The following CDC37L1 variants were observed in gnomAD, a reference collection of about 807,000 sequenced individuals.
CDC37L1 encodes cell division cycle 37 like 1, HSP90 cochaperone.
Under a neutral mutation model 45.9 loss-of-function variants are expected in CDC37L1, and 32 were observed. The observed-to-expected ratio is 0.70, with a 90% CI of 0.53 to 0.94. The LOEUF is 0.94. CDC37L1 is among the 40% of genes least tolerant of loss of function. The pLI, the probability that CDC37L1 is intolerant of heterozygous loss-of-function variation, is 0.00. For synonymous variants in CDC37L1, 150 were observed against 133.0 expected, an observed-to-expected ratio of 1.13 and a Z score of -0.88; for missense variants, 434 against 405.7, an observed-to-expected ratio of 1.07 and a Z score of -0.60.
At chr9:4,698,543 A>G (rs1841368330) in intron 5 of CDC37L1, among the ~76,000 whole-genome samples, 1 of 151,736 alleles carries the variant, frequency 6.6e-6, no homozygotes, top group African/African-American at 2.4e-5. Flanking sequence ...CTGCCCAAGA[A>G]GTAGGGCAAT....
chr9:4,679,952 C>G, intron 1 of CDC37L1, 53 bp downstream of exon 1: 1 of 1,599,596 alleles, frequency 6.3e-7, no homozygotes, highest in Non-Finnish European at 8.5e-7. Flanking sequence ...GTCGCCAAAC[C>G]CCTGGAATGC....
chr9:4,683,776 G>T (rs1841220350), intron 1 of CDC37L1, among the ~76,000 whole-genome samples: 1 of 152,150 alleles, frequency 6.6e-6, no homozygotes, highest in Non-Finnish European at 1.5e-5. Context: ...TGCAGATATG[G>T]GAACAGATTG....
At chr9:4,704,617 T>A (rs1486304381) in intron 6 of CDC37L1, among the ~76,000 whole-genome samples, 1 of 152,194 alleles carries the variant, frequency 6.6e-6, no homozygotes, top group African/African-American at 2.4e-5. Flanking sequence ...AGAATTAGGC[T>A]TGGATTGTTA....
At chr9:4,685,420 A>T (rs1841238341) in intron 2 of CDC37L1, 1 of 306,692 alleles carries the variant, frequency 3.3e-6, no homozygotes, top group Non-Finnish European at 6.1e-6. Context: ...TACATATATT[A>T]AAAAACATTC....
At chr9:4,699,569 A>AT (rs1254142904) in intron 5 of CDC37L1, among the ~76,000 whole-genome samples, 1 of 152,218 alleles carries the variant, frequency 6.6e-6, no homozygotes, top group African/African-American at 2.4e-5. Flanking sequence ...CGTATTTTGT[A>AT]TTTTTTTATA....
intron 1 of CDC37L1, among the ~76,000 whole-genome samples, chr9:4,681,278 T>G (rs1841190839): frequency 6.6e-6 from 1 of 152,190 alleles, no homozygotes; most frequent in Non-Finnish European, 1.5e-5. Flanking sequence ...ACTTCTAAAT[T>G]TGTTTAGCTG....
At chr9:4,698,268 A>G (rs933835144) in intron 5 of CDC37L1, among the ~76,000 whole-genome samples, 1 of 148,768 alleles carries the variant, frequency 6.7e-6, no homozygotes, top group African/African-American at 2.5e-5. Flanking sequence ...TTAATGAGAA[A>G]TCAGACTTTT....
Position 4,697,850 on chromosome 9 carries a change from T to G in CDC37L1, c.718T>G (p.Cys240Gly). ...AKNCNVDPRG[C>G]FRLFFQKAKA... ...AAACTGTAATGTGGATCCAAGAGGG[T>G]GTTTTCGTTTATTTTTCCAGAAAGC... The change falls in exon 5 of 7, where the codon TGT becomes GGT. Residue 240 changes from cysteine to glycine, a missense_variant. By Grantham distance (159) the Cys-to-Gly change is radical (BLOSUM62 -3). Coordinates refer to ENST00000381854, the MANE Select transcript of CDC37L1 (RefSeq NM_017913.4). 6.2e-7 allele frequency: 1 copy of G among 1,612,946 alleles called. No individual in the cohort carries two copies.
chr9:4,695,584 C>G (rs1841340186), intron 3 of CDC37L1, among the ~76,000 whole-genome samples: 1 of 152,022 alleles, frequency 6.6e-6, no homozygotes, highest in Non-Finnish European at 1.5e-5. Flanking sequence ...CCTCTAGCTC[C>G]TAGGCTCCCA....
At chr9:4,704,270 T>G (rs1841424061) in intron 6 of CDC37L1, among the ~76,000 whole-genome samples, 1 of 152,234 alleles carries the variant, frequency 6.6e-6, no homozygotes, top group African/African-American at 2.4e-5. Flanking sequence ...GAAATTTGCC[T>G]GAGGTCAACA....
At chr9:4,701,841 GTT>G (rs71497545) in intron 5 of CDC37L1, 21 bp from the exon 6 acceptor site, 470 of 1,338,288 alleles carry the variant, frequency 3.5e-4, no homozygotes, top group African/African-American at 6.0e-4. Context: ...CACAGTCTTT[GTT>G]TTTTTTTTTG....
chr9:4,680,121 A>C (rs577983950), intron 1 of CDC37L1, among the ~76,000 whole-genome samples: 2 of 152,192 alleles, frequency 1.3e-5, no homozygotes, highest in South Asian at 4.1e-4. Context: ...ACCTCCACGC[A>C]CATGTTTTCT....
intron 1 of CDC37L1, among the ~76,000 whole-genome samples, chr9:4,684,406 A>G (rs571871054): frequency 1.8e-3 from 273 of 152,366 alleles, no homozygotes; most frequent in African/African-American, 6.3e-3. Flanking sequence ...AGGATTGGAA[A>G]AATACAGATA....
chr9:4,681,956 T>A (rs1413468467), intron 1 of CDC37L1, among the ~76,000 whole-genome samples: 2 of 152,176 alleles, frequency 1.3e-5, no homozygotes, highest in African/African-American at 4.8e-5. Context: ...ACCTAATATT[T>A]TATTTAATAT....
In CDC37L1 at chr9:4,706,147, G is replaced by A. The variant is rs777140681; in HGVS notation, c.*35G>A. ...GACTGCTGAGGCCAAGTGCTATTTTGTTACAAGAAAGGAAGAACTTGGCTA... is the reference window on the plus strand; with the variant it reads ...GACTGCTGAGGCCAAGTGCTATTTTATTACAAGAAAGGAAGAACTTGGCTA... On this transcript the variant is annotated 3_prime_UTR_variant, in exon 7 of 7. Transcript: ENST00000381854. 3 of 1,025,134 alleles carry A rather than the reference G, an allele frequency of 2.9e-6. No homozygotes were observed. Among genetic ancestry groups the A allele is most frequent in the Non-Finnish European group, 4.6e-6 (3 of 648,550 alleles). The allele number at this position is 1,025,134 out of a possible 1,614,324, so 63.5% of individuals were successfully genotyped here.
chr9:4,681,349 A>G (rs1448989732), intron 1 of CDC37L1, among the ~76,000 whole-genome samples: 1 of 152,198 alleles, frequency 6.6e-6, no homozygotes, highest in Non-Finnish European at 1.5e-5. Flanking sequence ...CCCTGAGGCC[A>G]TGTAACTAGT....
chr9:4,705,799 A>G (rs1405784065), intron 6 of CDC37L1, among the ~76,000 whole-genome samples: 1 of 152,114 alleles, frequency 6.6e-6, no homozygotes, highest in Non-Finnish European at 1.5e-5. Context: ...TCATTCTTTT[A>G]TCACATCTCA....
intron 2 of CDC37L1, among the ~76,000 whole-genome samples, chr9:4,688,124 C>T (rs1177146936): frequency 6.6e-6 from 1 of 152,150 alleles, no homozygotes; most frequent in African/African-American, 2.4e-5. Context: ...CTCAGCCTCC[C>T]GAGTAGCCGG....
chr9:4,690,133 C>T (rs10115577), intron 3 of CDC37L1, among the ~76,000 whole-genome samples: 7,739 of 152,148 alleles, frequency 0.051, 677 homozygotes, highest in African/African-American at 0.18. Context: ...TAGTGATGTT[C>T]GTGATGAGAA....
Sources: allele counts gnomAD v4.1 joint callset (sites outside exome capture counted in the v4.1 genomes callset), GRCh38; gene constraint gnomAD v4.1.1; transcripts MANE v1.5; gene names NCBI Gene and HGNC (gene_info 2026-07-23, HGNC 2026-07-21).